Variants in GRM1 observed in about 807,000 individuals in gnomAD.
The protein encoded by GRM1 is glutamate metabotropic receptor 1.
Under a neutral mutation model 90.9 loss-of-function variants are expected in GRM1, and 33 were observed. The observed-to-expected ratio is 0.36, with a 90% CI of 0.28 to 0.49. The LOEUF is 0.49. Among genes scored for constraint, GRM1 ranks in the 20% least tolerant of loss-of-function variants. GRM1 has a pLI of 0.99. For missense variants in GRM1, 1,190 were observed against 1,534.3 expected (o/e 0.78, Z 3.75); for synonymous variants, 700 against 613.2 (o/e 1.14, Z -2.09).
intron 2 of GRM1, among the ~76,000 whole-genome samples, chr6:146,243,805 C>T (rs1780951179): frequency 6.6e-6 from 1 of 152,092 alleles, no homozygotes; most frequent in African/African-American, 2.4e-5. Context: ...TCCTAATAAG[C>T]CTGGGAGCAC....
intron 4 of GRM1, among the ~76,000 whole-genome samples, chr6:146,354,977 G>C (rs964196876): frequency 3.3e-5 from 5 of 149,408 alleles, no homozygotes; most frequent in Non-Finnish European, 6.0e-5. Flanking sequence ...AATTTTTTTT[G>C]TTTCTAAATG....
intron 2 of GRM1, among the ~76,000 whole-genome samples, chr6:146,215,492 A>G (rs1463315496): frequency 6.6e-6 from 1 of 152,160 alleles, no homozygotes; most frequent in Non-Finnish European, 1.5e-5. Flanking sequence ...AGAAGCAACA[A>G]ATAGATGTGA....
chr6:146,137,655 CCATAAA>C (rs1776674982), intron 1 of GRM1, among the ~76,000 whole-genome samples: 1 of 152,104 alleles, frequency 6.6e-6, no homozygotes, highest in East Asian at 1.9e-4. Flanking sequence ...TTATCTGGTT[CCATAAA>C]CATTAGGATT....
At chr6:146,408,038 T>C (rs1777412760) in intron 7 of GRM1, among the ~76,000 whole-genome samples, 1 of 152,184 alleles carries the variant, frequency 6.6e-6, no homozygotes, top group African/African-American at 2.4e-5. Flanking sequence ...TTGCTCACAG[T>C]TCTGGAGGCT....
chr6:146,151,540 A>T (rs1256712521), intron 1 of GRM1, among the ~76,000 whole-genome samples: 3 of 152,194 alleles, frequency 2.0e-5, no homozygotes, highest in Admixed American at 6.5e-5. Flanking sequence ...CTTTTTTGCC[A>T]TGATGGCAGT....
chr6:146,311,381 G>A (rs903875700), intron 3 of GRM1, among the ~76,000 whole-genome samples: 2 of 152,202 alleles, frequency 1.3e-5, no homozygotes, highest in Non-Finnish European at 2.9e-5. Context: ...TCTTAGAAGT[G>A]TTTATATATC....
intron 1 of GRM1, among the ~76,000 whole-genome samples, chr6:146,031,904 C>G (rs762974624): frequency 6.6e-6 from 1 of 151,906 alleles, no homozygotes; most frequent in Non-Finnish European, 1.5e-5. Context: ...ATAATATTTC[C>G]CCCATTGAGC....
chr6:146,300,561 CT>C (rs1365893586), intron 2 of GRM1, among the ~76,000 whole-genome samples: 5 of 152,196 alleles, frequency 3.3e-5, no homozygotes, highest in Non-Finnish European at 5.9e-5. Context: ...GTGAGAAATA[CT>C]TAAGACATAC....
At chr6:146,087,810 A>G (rs1315565732) in intron 1 of GRM1, among the ~76,000 whole-genome samples, 1 of 152,146 alleles carries the variant, frequency 6.6e-6, no homozygotes, top group Non-Finnish European at 1.5e-5. Flanking sequence ...ATTCCATCAC[A>G]TGGATTTACA....
upstream of GRM1, among the ~76,000 whole-genome samples, chr6:146,028,258 TGTG>T: frequency 6.6e-6 from 1 of 150,408 alleles, no homozygotes; most frequent in Non-Finnish European, 1.5e-5. Flanking sequence ...TGTGTGTGTG[TGTG>T]TGTGTGTGTG....
intron 2 of GRM1, among the ~76,000 whole-genome samples, chr6:146,291,798 A>C (rs1782994316): frequency 6.6e-6 from 1 of 152,062 alleles, no homozygotes; most frequent in African/African-American, 2.4e-5. Context: ...TGTTTTTGGA[A>C]AAATGGAAAC....
At chr6:146,298,048 C>T (rs1783243834) in intron 2 of GRM1, among the ~76,000 whole-genome samples, 1 of 152,126 alleles carries the variant, frequency 6.6e-6, no homozygotes, top group Non-Finnish European at 1.5e-5. Context: ...CACTGCAACC[C>T]AAGAAACTGC....
intron 1 of GRM1, among the ~76,000 whole-genome samples, chr6:146,058,167 C>T (rs542765656): frequency 1.3e-4 from 20 of 152,076 alleles, no homozygotes; most frequent in African/African-American, 3.1e-4. Context: ...CTTCTTTTTG[C>T]GTATTCTTAC....
chr6:146,129,686 G>T (rs1005325904), intron 1 of GRM1, among the ~76,000 whole-genome samples: 4 of 152,100 alleles, frequency 2.6e-5, no homozygotes, highest in African/African-American at 9.7e-5. Flanking sequence ...ACTGCACATT[G>T]TTAAAGGTCC....
intron 5 of GRM1, among the ~76,000 whole-genome samples, chr6:146,378,443 C>G (rs1226726427): frequency 6.6e-6 from 1 of 152,174 alleles, no homozygotes. Flanking sequence ...CCTCTTGCAT[C>G]AGCAAGACCT....
intron 2 of GRM1, among the ~76,000 whole-genome samples, chr6:146,208,681 A>G (rs1441867144): frequency 6.6e-6 from 1 of 152,164 alleles, no homozygotes; most frequent in Admixed American, 6.6e-5. Flanking sequence ...TTATACATAT[A>G]TGTATGAAAT....
chr6:146,226,956 C>A (rs897121003), intron 2 of GRM1, among the ~76,000 whole-genome samples: 7 of 151,808 alleles, frequency 4.6e-5, no homozygotes, highest in Non-Finnish European at 1.0e-4. Context: ...GAGAACTGTT[C>A]AGAACTGTTC....
At chr6:146,373,147 C>T (rs531802135) in intron 5 of GRM1, among the ~76,000 whole-genome samples, 21 of 152,032 alleles carry the variant, frequency 1.4e-4, no homozygotes, top group African/African-American at 4.1e-4. Context: ...CTTTCATCAG[C>T]GTTTTATAGT....
intron 1 of GRM1, among the ~76,000 whole-genome samples, chr6:146,135,303 A>T (rs1016717129): frequency 1.4e-4 from 22 of 152,122 alleles, no homozygotes; most frequent in African/African-American, 4.6e-4. Flanking sequence ...GCTTATCACC[A>T]TTCTGCAATG....
Sources: gnomAD v4.1 joint callset for allele counts (sites outside exome capture counted in the v4.1 genomes callset) on GRCh38, gnomAD v4.1.1 for gene constraint, MANE v1.5 for transcripts, NCBI Gene and HGNC (gene_info 2026-07-23, HGNC 2026-07-21) for gene names.